HS6ST3: variants seen among roughly 807,000 people sequenced by gnomAD.
HS6ST3 encodes heparan sulfate 6-O-sulfotransferase 3, also known as heparan-sulfate 6-O-sulfotransferase 3.
HS6ST3 carries 12 observed loss-of-function variants against 36.7 expected under a neutral mutation model. The ratio of observed to expected loss-of-function variants is 0.33; its 90% CI spans 0.21 to 0.53. HS6ST3 has a LOEUF of 0.53. Among genes scored for constraint, HS6ST3 ranks in the 20% least tolerant of loss-of-function variants. The probability of loss-of-function intolerance (pLI) is 0.95; values close to 1 mark genes in which losing one functional copy is unlikely to be tolerated. For synonymous variants in HS6ST3, 240 were observed against 257.5 expected, an observed-to-expected ratio of 0.93 and a Z score of 0.65; for missense variants, 584 against 640.9, an observed-to-expected ratio of 0.91 and a Z score of 0.96.
intron 1 of HS6ST3, among the ~76,000 whole-genome samples, chr13:96,175,762 A>C (rs2054210062): frequency 6.7e-6 from 1 of 148,406 alleles, no homozygotes; most frequent in Non-Finnish European, 1.5e-5. Context: ...AAAGCGGTTT[A>C]TTCTTGTTTT....
intron 1 of HS6ST3, among the ~76,000 whole-genome samples, chr13:96,590,270 T>C (rs143864082): frequency 1.3e-5 from 2 of 152,298 alleles, no homozygotes; most frequent in South Asian, 4.1e-4. Flanking sequence ...CAAACTGTTT[T>C]CCATACTGGT....
chr13:96,491,278 C>A (rs1292751770), intron 1 of HS6ST3, among the ~76,000 whole-genome samples: 1 of 152,010 alleles, frequency 6.6e-6, no homozygotes, highest in African/African-American at 2.4e-5. Flanking sequence ...AAGCCATATG[C>A]ATACCATCTG....
At chr13:96,360,462 A>G (rs1367627800) in intron 1 of HS6ST3, among the ~76,000 whole-genome samples, 1 of 152,052 alleles carries the variant, frequency 6.6e-6, no homozygotes, top group African/African-American at 2.4e-5. Flanking sequence ...CAAATCTGAT[A>G]TTTAGTACAG....
chr13:96,792,431 CAT>C (rs1877812997), intron 1 of HS6ST3, among the ~76,000 whole-genome samples: 1 of 151,860 alleles, frequency 6.6e-6, no homozygotes, highest in Non-Finnish European at 1.5e-5. Flanking sequence ...TTTTTCTCAC[CAT>C]AGTCTTCAAC....
chr13:96,253,825 C>T (rs991284776), intron 1 of HS6ST3, among the ~76,000 whole-genome samples: 4 of 152,112 alleles, frequency 2.6e-5, no homozygotes, highest in Non-Finnish European at 4.4e-5. Flanking sequence ...TCCCTAATAT[C>T]ATGGGCTTTT....
chr13:96,542,457 A>G (rs1677833253), intron 1 of HS6ST3, among the ~76,000 whole-genome samples: 1 of 152,200 alleles, frequency 6.6e-6, no homozygotes, highest in African/African-American at 2.4e-5. Flanking sequence ...TTACATAAAT[A>G]CATAATCTAA....
At chr13:96,179,220 A>G (rs560303869) in intron 1 of HS6ST3, among the ~76,000 whole-genome samples, 1 of 152,320 alleles carries the variant, frequency 6.6e-6, no homozygotes, top group South Asian at 2.1e-4. Flanking sequence ...AATCCAGACT[A>G]TATTTTTAAC....
chr13:96,818,657 A>G lies in HS6ST3; in HGVS notation c.708-13833A>G, dbSNP rs535489896. 2.0e-5 allele frequency among the ~76,000 whole-genome samples: 3 copies of G among 152,344 alleles called. No individual in the cohort carries two copies. In the South Asian group the frequency reaches 6.2e-4, roughly 32 times the overall value. ...CAATGCACAGGCGCAATTAGCAAAA[A>G]TCTTAGTTACAACACTTGGTTGGGA... On this transcript the variant is annotated intron_variant, in intron 1 of 1. Coordinates refer to ENST00000376705, the MANE Select transcript of HS6ST3 (RefSeq NM_153456.4).
intron 1 of HS6ST3, among the ~76,000 whole-genome samples, chr13:96,738,397 C>A (rs560064398): frequency 1.3e-5 from 2 of 152,156 alleles, no homozygotes; most frequent in East Asian, 3.9e-4. Context: ...TAAAGAAATT[C>A]TGATAAAATG....
intron 1 of HS6ST3, among the ~76,000 whole-genome samples, chr13:96,537,068 C>T (rs2056158413): frequency 6.6e-6 from 1 of 152,130 alleles, no homozygotes; most frequent in African/African-American, 2.4e-5. Flanking sequence ...TTTTCACACT[C>T]CTGATAAAGA....
intron 1 of HS6ST3, among the ~76,000 whole-genome samples, chr13:96,622,332 C>T (rs2056498057): frequency 6.6e-6 from 1 of 152,086 alleles, no homozygotes; most frequent in Non-Finnish European, 1.5e-5. Context: ...GCTGTGGTAA[C>T]TACTTGGGAG....
intron 1 of HS6ST3, among the ~76,000 whole-genome samples, chr13:96,453,180 T>A (rs74535355): frequency 0.075 from 10,121 of 135,776 alleles, 496 homozygotes; most frequent in Non-Finnish European, 0.11. Flanking sequence ...ATGCTCTTTT[T>A]AAAAAAAAAA....
In HS6ST3 at chr13:96,706,721, G is replaced by A. The variant is rs1043125972; in HGVS notation, c.708-125769G>A. Among the ~76,000 whole-genome samples, 52 of 151,844 alleles carry A rather than the reference G, an allele frequency of 3.4e-4. 1 individual carries two copies. Among genetic ancestry groups the A allele is most frequent in the Non-Finnish European group, 8.8e-5 (6 of 67,976 alleles). On this transcript the variant is annotated intron_variant, in intron 1 of 1. Transcript: ENST00000376705. ...TTCTGCAACATTCTGCCTCTTCCAC[G>A]TAGACATTTTTTTAAAAAACAATAT...
chr13:96,794,055 T>C (rs1044349006), intron 1 of HS6ST3, among the ~76,000 whole-genome samples: 1 of 152,080 alleles, frequency 6.6e-6, no homozygotes, highest in Non-Finnish European at 1.5e-5. Context: ...TAAGGAAGAA[T>C]GGAATCATGG....
At chr13:96,401,201 C>T (rs1320826522) in intron 1 of HS6ST3, among the ~76,000 whole-genome samples, 2 of 152,122 alleles carry the variant, frequency 1.3e-5, no homozygotes, top group Admixed American at 6.6e-5. Flanking sequence ...GCTTTTCCCC[C>T]CTAATTGAAA....
intron 1 of HS6ST3, among the ~76,000 whole-genome samples, chr13:96,593,174 CTTTTTTT>C (rs35380296): frequency 1.9e-4 from 9 of 46,622 alleles, no homozygotes; most frequent in Non-Finnish European, 3.5e-5. Context: ...TTCTTTCTTT[CTTTTTTT>C]TTTTTTTTTT....
At chr13:96,531,950 C>T (rs1008627998) in intron 1 of HS6ST3, among the ~76,000 whole-genome samples, 1 of 152,142 alleles carries the variant, frequency 6.6e-6, no homozygotes, top group Non-Finnish European at 1.5e-5. Flanking sequence ...GATTTGAGGC[C>T]CATCTGGGAT....
At chr13:96,607,186 A>G (rs2056442110) in intron 1 of HS6ST3, among the ~76,000 whole-genome samples, 1 of 152,238 alleles carries the variant, frequency 6.6e-6, no homozygotes, top group Non-Finnish European at 1.5e-5. Context: ...AAAAAGAATA[A>G]ATCATTTGGT....
intron 1 of HS6ST3, among the ~76,000 whole-genome samples, chr13:96,606,445 C>T (rs1366400314): frequency 7.2e-5 from 11 of 152,004 alleles, no homozygotes; most frequent in Non-Finnish European, 1.6e-4. Flanking sequence ...AGCTGGAGGC[C>T]ATTGTCCAAA....
Sources: gnomAD v4.1 joint callset for allele counts (sites outside exome capture counted in the v4.1 genomes callset) on GRCh38, gnomAD v4.1.1 for gene constraint, MANE v1.5 for transcripts, NCBI Gene and HGNC (gene_info 2026-07-23, HGNC 2026-07-21) for gene names.